Variants in CIMIP2A observed in about 807,000 individuals in gnomAD.
CIMIP2A encodes the protein family with sequence similarity 166 member A.
At chr9:137,251,928 G>A in the CIMIP2A span, 1 of 1,598,972 alleles carries the variant, frequency 6.3e-7, no homozygotes, top group Admixed American at 1.7e-5. Context: ...CCACCCCCAA[G>A]CTGGTCTTTG....
the CIMIP2A span, chr9:137,251,952 G>A: frequency 1.9e-6 from 3 of 1,596,522 alleles, no homozygotes; most frequent in African/African-American, 2.7e-5. Context: ...GGCTGTGGGA[G>A]GGGCCCGCTG....
At chr9:137,253,067 A>C in the CIMIP2A span, 1 of 1,541,250 alleles carries the variant, frequency 6.5e-7, no homozygotes, top group East Asian at 2.3e-5. Context: ...GCCAGGTTTG[A>C]GTTGGGGCTG....
chr9:137,252,108 A>G, the CIMIP2A span: 23,213 of 1,611,880 alleles, frequency 0.014, 220 homozygotes, highest in Non-Finnish European at 0.018. Context: ...CCCCCACTAC[A>G]GCATCGGCTG....
At chr9:137,244,455 G>A in the CIMIP2A span, 15 of 1,504,726 alleles carry the variant, frequency 1.0e-5, no homozygotes, top group South Asian at 6.6e-5. Flanking sequence ...TGAGTGCAGG[G>A]ATCCAAGCAA....
the CIMIP2A span, chr9:137,251,181 A>G: frequency 2.3e-6 from 2 of 877,834 alleles, no homozygotes; most frequent in African/African-American, 1.6e-5. Flanking sequence ...CAGCCCCTCC[A>G]GGGCCAGACA....
the CIMIP2A span, chr9:137,253,286 G>A: frequency 1.3e-6 from 2 of 1,581,122 alleles, no homozygotes; most frequent in African/African-American, 1.3e-5. Flanking sequence ...CCACCGAGTG[G>A]AACCATGGCC....
chr9:137,244,936 C>G, the CIMIP2A span: 1 of 1,600,604 alleles, frequency 6.2e-7, no homozygotes, highest in African/African-American at 1.3e-5. Flanking sequence ...CTCCTGGAAG[C>G]AGCTGGGAGG....
At chr9:137,247,706 T>A in the CIMIP2A span, 1 of 1,613,362 alleles carries the variant, frequency 6.2e-7, no homozygotes, top group Non-Finnish European at 8.5e-7. Flanking sequence ...TGTTTCTGAG[T>A]AGTTGTCATT....
At chr9:137,250,896 C>T in the CIMIP2A span, 1 of 216,922 alleles carries the variant, frequency 4.6e-6, no homozygotes, top group Non-Finnish European at 9.4e-6. Flanking sequence ...GCTGGCCAGA[C>T]ACAGCTGGGC....
the CIMIP2A span, chr9:137,253,606 C>T: frequency 1.1e-6 from 1 of 887,562 alleles, no homozygotes; most frequent in Non-Finnish European, 1.6e-6. Flanking sequence ...GAAAGGTGCT[C>T]TCTTCTCTAG....
chr9:137,253,303 G>A, the CIMIP2A span: 121 of 1,563,686 alleles, frequency 7.7e-5, no homozygotes, highest in Middle Eastern at 1.7e-4. Context: ...GGCCTCCCCC[G>A]GGGCTTTCCC....
At chr9:137,249,124 G>A in the CIMIP2A span, among the ~76,000 whole-genome samples, 1 of 152,012 alleles carries the variant, frequency 6.6e-6, no homozygotes, top group Non-Finnish European at 1.5e-5. Context: ...CCAAAGTGCT[G>A]GGATTACAGG....
chr9:137,243,601 T>TA, the CIMIP2A span: 57 of 1,613,154 alleles, frequency 3.5e-5, no homozygotes, highest in Non-Finnish European at 4.7e-5. Context: ...GTGAACTCTT[T>TA]ATTCACTCCC....
the CIMIP2A span, chr9:137,244,643 T>C: frequency 6.2e-7 from 1 of 1,613,656 alleles, no homozygotes. Context: ...CTTTCCTACC[T>C]GGCTCTTGTC....
At chr9:137,244,232 C>A in the CIMIP2A span, 6 of 1,613,742 alleles carry the variant, frequency 3.7e-6, no homozygotes, top group African/African-American at 6.7e-5. Flanking sequence ...GGTTGCTGGG[C>A]CAGTGTGTTC....
chr9:137,252,809 C>A, the CIMIP2A span: 2 of 1,565,904 alleles, frequency 1.3e-6, no homozygotes, highest in Non-Finnish European at 1.7e-6. Flanking sequence ...CAGGGTGCAG[C>A]CCCAGTCCCT....
At chr9:137,246,246 C>T in the CIMIP2A span, among the ~76,000 whole-genome samples, 12 of 152,336 alleles carry the variant, frequency 7.9e-5, no homozygotes, top group Admixed American at 5.2e-4. Context: ...CTTGGACACA[C>T]GCAGGGCCCA....
the CIMIP2A span, among the ~76,000 whole-genome samples, chr9:137,253,684 C>T: frequency 6.6e-6 from 1 of 152,208 alleles, no homozygotes; most frequent in Non-Finnish European, 1.5e-5. Context: ...CTGTGGGACA[C>T]CCCCACCCAG....
the CIMIP2A span, chr9:137,245,543 T>C: frequency 2.5e-6 from 4 of 1,613,810 alleles, no homozygotes; most frequent in Admixed American, 1.7e-5. Flanking sequence ...TCAAAGTTCT[T>C]AGAGGGCTTC....
Sources: allele counts gnomAD v4.1 joint callset (sites outside exome capture counted in the v4.1 genomes callset), GRCh38; gene constraint gnomAD v4.1.1; transcripts MANE v1.5; gene names NCBI Gene and HGNC (gene_info 2026-07-23, HGNC 2026-07-21).